USP15: variants seen among roughly 807,000 people sequenced by gnomAD.
The protein encoded by USP15 is ubiquitin carboxyl-terminal hydrolase 15.
USP15 carries 18 observed loss-of-function variants against 127.1 expected under a neutral mutation model. The observed-to-expected ratio is 0.14, with a 90% confidence interval of 0.10 to 0.21. USP15 has a LOEUF of 0.21. Among genes scored for constraint, USP15 ranks in the 10% least tolerant of loss-of-function variants. The pLI is 1.00. For missense variants in USP15, 805 were observed against 1,159.9 expected (o/e 0.69, Z 4.44); for synonymous variants, 364 against 393.7 (o/e 0.92, Z 0.89).
At chr12:62,269,669 C>T (rs1195018226) in intron 1 of USP15, among the ~76,000 whole-genome samples, 1 of 152,078 alleles carries the variant, frequency 6.6e-6, no homozygotes, top group African/African-American at 2.4e-5. Flanking sequence ...ACTCCTCCCA[C>T]CTTAGTCTTC....
At position 62,303,662 on chromosome 12, in the gene USP15, T is replaced by TA. The variant is rs566748126; in HGVS notation, c.348+749dup. 549 of 150,424 alleles carry TA rather than the reference T, an allele frequency of 3.6e-3. 10 individuals carry two copies. The highest frequency in any genetic ancestry group is 0.013 in the African/African-American group (524 of 40,854). 9.3% of individuals were successfully genotyped at this position (150,424 alleles called of 1,614,324 possible). The stretch of plus-strand genomic sequence containing the variant: ...AAAGTTGGATTAGGTAACATAAGGG[T>TA]AAAAAAACCTCTAGTAGACCTAACT... On this transcript the variant is annotated intron_variant, in intron 3 of 21. Transcript: ENST00000280377.
intron 21 of USP15, among the ~76,000 whole-genome samples, chr12:62,401,910 G>GTATATATACA (rs1189110511): frequency 1.2e-5 from 1 of 80,764 alleles, no homozygotes; most frequent in African/African-American, 5.2e-5. Flanking sequence ...ACATATATAT[G>GTATATATACA]TATATATACA....
At chr12:62,392,713 G>A (rs1279570907) in intron 18 of USP15, among the ~76,000 whole-genome samples, 1 of 151,956 alleles carries the variant, frequency 6.6e-6, no homozygotes, top group Admixed American at 6.6e-5. Context: ...ATATTTTGTG[G>A]TGTTATTCCA....
At chr12:62,386,141 A>G (rs1416536602) in intron 11 of USP15, among the ~76,000 whole-genome samples, 1 of 149,464 alleles carries the variant, frequency 6.7e-6, no homozygotes, top group Non-Finnish European at 1.5e-5. Context: ...GTTAGCACAG[A>G]GAAATTCGTT....
intron 14 of USP15, among the ~76,000 whole-genome samples, chr12:62,390,256 T>TA (rs1283788817): frequency 1.3e-5 from 2 of 152,172 alleles, no homozygotes; most frequent in Non-Finnish European, 2.9e-5. Context: ...GAATTTATGT[T>TA]ATAATAATTA....
intron 1 of USP15, among the ~76,000 whole-genome samples, chr12:62,274,900 TA>T (rs377601951): frequency 2.0e-5 from 3 of 152,242 alleles, no homozygotes; most frequent in South Asian, 2.1e-4. Flanking sequence ...AAGCAAAACT[TA>T]AAGTAGTTGG....
At chr12:62,353,940 ACATTTC>A (rs1272005564) in intron 7 of USP15, among the ~76,000 whole-genome samples, 3 of 152,074 alleles carry the variant, frequency 2.0e-5, no homozygotes, top group African/African-American at 4.8e-5. Flanking sequence ...GATTAATGTT[ACATTTC>A]TTTGGCGCCT....
intron 8 of USP15, among the ~76,000 whole-genome samples, chr12:62,362,232 G>GT (rs1316338698): frequency 1.3e-5 from 2 of 151,938 alleles, no homozygotes; most frequent in Non-Finnish European, 1.5e-5. Flanking sequence ...CTTATGTTTT[G>GT]TTTTTTGTGG....
chr12:62,377,826 A>AT (rs374067439), intron 8 of USP15, among the ~76,000 whole-genome samples: 92 of 151,564 alleles, frequency 6.1e-4, no homozygotes, highest in African/African-American at 1.8e-3. Context: ...TAATTGCTTG[A>AT]TTTTTTTTTC....
chr12:62,407,994 T>C lies in USP15; in HGVS notation c.*3619T>C, dbSNP rs1286433228. On this transcript the variant is annotated 3_prime_UTR_variant, in exon 22 of 22. Transcript: ENST00000280377. ...TCCTTGCTTTCCTGACAACTGGATA[T>C]AAAACTACACAAAACATTGATTTGG... 1 of 152,186 alleles carries C rather than the reference T, an allele frequency of 6.6e-6. No homozygotes were observed. The highest frequency in any genetic ancestry group is 1.5e-5 in the Non-Finnish European group (1 of 68,032). 9.4% of individuals were successfully genotyped at this position (152,186 alleles called of 1,614,324 possible). A position where few individuals can be genotyped will look rare whatever the true frequency, so the allele number is the denominator to read the frequency against.
intron 1 of USP15, among the ~76,000 whole-genome samples, chr12:62,276,930 G>A (rs1422044209): frequency 6.6e-6 from 1 of 152,066 alleles, no homozygotes; most frequent in Non-Finnish European, 1.5e-5. Context: ...ATTTTTAAAT[G>A]TGTTTGTAAT....
intron 20 of USP15, among the ~76,000 whole-genome samples, chr12:62,399,559 G>A (rs947113585): frequency 5.9e-5 from 9 of 151,982 alleles, no homozygotes; most frequent in Admixed American, 2.0e-4. Flanking sequence ...CCATTCTGTC[G>A]CATTCTTCAG....
chr12:62,315,427 A>G (rs1213320642), intron 4 of USP15, among the ~76,000 whole-genome samples: 3 of 151,984 alleles, frequency 2.0e-5, no homozygotes, highest in Non-Finnish European at 4.4e-5. Flanking sequence ...TAAAATATAT[A>G]TAAATTGTTT....
intron 1 of USP15, among the ~76,000 whole-genome samples, chr12:62,261,639 A>T (rs771518804): frequency 6.6e-6 from 1 of 152,184 alleles, no homozygotes; most frequent in Non-Finnish European, 1.5e-5. Context: ...CAGTAATTTT[A>T]TTATAAGGAT....
chr12:62,326,216 T>C (rs1468409279), intron 6 of USP15, among the ~76,000 whole-genome samples: 1 of 152,192 alleles, frequency 6.6e-6, no homozygotes, highest in Non-Finnish European at 1.5e-5. Flanking sequence ...ATTAAACATT[T>C]GTTTAATTTC....
At chr12:62,404,059 TC>T in intron 21 of USP15, 133 bp from the exon 22 acceptor site, 1 of 1,154,440 alleles carries the variant, frequency 8.7e-7, no homozygotes, top group South Asian at 2.6e-5. Flanking sequence ...TTTAGTAACT[TC>T]CATTTGACCA....
At chr12:62,299,607 A>G (rs1166161319) in intron 2 of USP15, among the ~76,000 whole-genome samples, 1 of 152,118 alleles carries the variant, frequency 6.6e-6, no homozygotes, top group Non-Finnish European at 1.5e-5. Flanking sequence ...GCTCTTCTGG[A>G]TATTGTTGCT....
chr12:62,372,765 G>GT (rs2066715391), intron 8 of USP15, among the ~76,000 whole-genome samples: 1 of 151,966 alleles, frequency 6.6e-6, no homozygotes, highest in Non-Finnish European at 1.5e-5. Context: ...TTGTGAGTCA[G>GT]TTTTGAATTA....
chr12:62,369,195 C>T (rs1555220137), intron 8 of USP15, among the ~76,000 whole-genome samples: 1 of 152,144 alleles, frequency 6.6e-6, no homozygotes, highest in Non-Finnish European at 1.5e-5. Context: ...GTCTATGGGA[C>T]ATAAGTGAGG....
Sources: allele counts gnomAD v4.1 joint callset (sites outside exome capture counted in the v4.1 genomes callset), GRCh38; gene constraint gnomAD v4.1.1; transcripts MANE v1.5; gene names NCBI Gene and HGNC (gene_info 2026-07-23, HGNC 2026-07-21).